The following DCLK1 variants were observed in gnomAD, a reference collection of about 807,000 sequenced individuals.
DCLK1 encodes serine/threonine-protein kinase DCLK1.
Under a neutral mutation model 86.2 loss-of-function variants are expected in DCLK1, and 16 were observed. The ratio of observed to expected loss-of-function variants is 0.19; its 90% CI spans 0.13 to 0.28. The LOEUF (loss-of-function observed/expected upper bound fraction) is 0.28, where lower values mean the gene tolerates loss of function less well. Among genes scored for constraint, DCLK1 ranks in the 10% least tolerant of loss-of-function variants. The probability of loss-of-function intolerance (pLI) is 1.00; values close to 1 mark genes in which losing one functional copy is unlikely to be tolerated. For synonymous variants in DCLK1, 369 were observed against 370.5 expected (o/e 1.00, Z 0.05); for missense variants, 590 against 940.2 (o/e 0.63, Z 4.87).
chr13:36,058,278 C>A (rs556236232), intron 3 of DCLK1, among the ~76,000 whole-genome samples: 1 of 152,258 alleles, frequency 6.6e-6, no homozygotes, highest in South Asian at 2.1e-4. Flanking sequence ...AGCGTCCAAG[C>A]CAGGACAGCA....
intron 3 of DCLK1, among the ~76,000 whole-genome samples, chr13:36,060,119 C>CCTTGG (rs1225510604): frequency 6.6e-6 from 1 of 152,110 alleles, no homozygotes; most frequent in Admixed American, 6.5e-5. Flanking sequence ...GATCTGCCCA[C>CCTTGG]CTTGGCCTCC....
At chr13:36,065,210 C>G (rs998471419) in intron 3 of DCLK1, among the ~76,000 whole-genome samples, 1 of 152,192 alleles carries the variant, frequency 6.6e-6, no homozygotes, top group Non-Finnish European at 1.5e-5. Flanking sequence ...TACTTAACCT[C>G]TGAGTGCCTC....
At chr13:35,846,280 G>C (rs1870168060) in intron 6 of DCLK1, 2 of 984,854 alleles carry the variant, frequency 2.0e-6, no homozygotes, top group Admixed American at 1.2e-4. Context: ...AAAGTAAAGA[G>C]TTCTTAGAAA....
At chr13:35,815,983 G>A (rs1429007694) in intron 11 of DCLK1, among the ~76,000 whole-genome samples, 4 of 152,144 alleles carry the variant, frequency 2.6e-5, no homozygotes, top group Non-Finnish European at 5.9e-5. Context: ...TATCTGGGAA[G>A]ATGGAGAAGT....
intron 10 of DCLK1, among the ~76,000 whole-genome samples, chr13:35,826,735 T>C (rs1436318617): frequency 6.6e-6 from 1 of 152,076 alleles, no homozygotes; most frequent in Non-Finnish European, 1.5e-5. Context: ...CTAAATGCTT[T>C]CCTCGTCTTG....
intron 3 of DCLK1, among the ~76,000 whole-genome samples, chr13:36,045,243 T>G (rs1882838588): frequency 7.5e-6 from 1 of 133,866 alleles, no homozygotes; most frequent in Admixed American, 8.1e-5. Context: ...CTCTATCTAT[T>G]CAAAATCCAT....
At chr13:35,909,379 T>C (rs916830834) in intron 4 of DCLK1, among the ~76,000 whole-genome samples, 2 of 152,178 alleles carry the variant, frequency 1.3e-5, no homozygotes, top group African/African-American at 4.8e-5. Context: ...ATTAAAAATA[T>C]GGGTCCTGGT....
At chr13:36,055,974 T>C (rs1239048295) in intron 3 of DCLK1, among the ~76,000 whole-genome samples, 2 of 151,968 alleles carry the variant, frequency 1.3e-5, no homozygotes. Flanking sequence ...CAACAGGTGC[T>C]GGAGAGGATG....
At chr13:35,794,066 T>A (rs1273716112) in intron 15 of DCLK1, among the ~76,000 whole-genome samples, 1 of 152,222 alleles carries the variant, frequency 6.6e-6, no homozygotes, top group East Asian at 1.9e-4. Context: ...TATGACATAG[T>A]TTATATTGGA....
intron 6 of DCLK1, among the ~76,000 whole-genome samples, chr13:35,845,079 C>A (rs1870080254): frequency 6.6e-6 from 1 of 152,124 alleles, no homozygotes; most frequent in African/African-American, 2.4e-5. Context: ...GAAACCCTGT[C>A]TCTACTAAAA....
chr13:35,847,843 G>C (rs1870325400), intron 6 of DCLK1: 25 of 985,174 alleles, frequency 2.5e-5, no homozygotes, highest in Non-Finnish European at 2.9e-5. Flanking sequence ...GAGAGAACCT[G>C]ACACTTCTTA....
chr13:35,855,890 C>T (rs1451348411), intron 5 of DCLK1: 1 of 1,083,124 alleles, frequency 9.2e-7, no homozygotes, highest in Non-Finnish European at 1.1e-6. Flanking sequence ...TCCAGTGACT[C>T]ATCTGAAAAT....
intron 16 of DCLK1, among the ~76,000 whole-genome samples, chr13:35,785,349 A>G (rs944172844): frequency 2.0e-5 from 3 of 152,066 alleles, no homozygotes; most frequent in Non-Finnish European, 4.4e-5. Context: ...CGGGATGCAA[A>G]TGTTCTCCAG....
At chr13:35,977,185 TAA>T (rs1159992708) in intron 3 of DCLK1, among the ~76,000 whole-genome samples, 13 of 152,302 alleles carry the variant, frequency 8.5e-5, no homozygotes, top group African/African-American at 2.4e-4. Context: ...TCCAAATATA[TAA>T]GTTACTTCAT....
At chr13:35,873,039 T>C (rs1872380597) in intron 4 of DCLK1, among the ~76,000 whole-genome samples, 1 of 152,098 alleles carries the variant, frequency 6.6e-6, no homozygotes, top group Non-Finnish European at 1.5e-5. Context: ...GAAAGTCAGG[T>C]CACTCCTTAT....
chr13:36,000,687 C>A (rs535267908), intron 3 of DCLK1, among the ~76,000 whole-genome samples: 9 of 152,144 alleles, frequency 5.9e-5, no homozygotes, highest in African/African-American at 1.9e-4. Context: ...ATAAAGCCAT[C>A]AAGAATAATC....
At chr13:35,951,124 T>C (rs1042344221) in intron 3 of DCLK1, among the ~76,000 whole-genome samples, 2 of 152,046 alleles carry the variant, frequency 1.3e-5, no homozygotes, top group Admixed American at 1.3e-4. Context: ...AAAGTTCATC[T>C]TTCTGAGCTT....
intron 3 of DCLK1, among the ~76,000 whole-genome samples, chr13:36,090,747 ACG>A (rs565234002): frequency 4.1e-4 from 62 of 152,216 alleles, no homozygotes; most frequent in Middle Eastern, 6.8e-3. Context: ...CTCACTGGAT[ACG>A]GGGGCGAATG....
intron 3 of DCLK1, among the ~76,000 whole-genome samples, chr13:35,967,269 C>T (rs559701997): frequency 9.9e-4 from 150 of 150,756 alleles, no homozygotes; most frequent in Non-Finnish European, 1.8e-3. Flanking sequence ...TCTGCCCGGC[C>T]GCCCCGTCTG....
Sources: gnomAD v4.1 joint callset for allele counts (sites outside exome capture counted in the v4.1 genomes callset) on GRCh38, gnomAD v4.1.1 for gene constraint, MANE v1.5 for transcripts, NCBI Gene and HGNC (gene_info 2026-07-23, HGNC 2026-07-21) for gene names.